NKIRAS1: variants seen among roughly 807,000 people sequenced by gnomAD.
NKIRAS1 encodes the protein NFKB inhibitor interacting Ras like 1.
In NKIRAS1, 16 loss-of-function variants were observed where a neutral mutation model predicts 19.8. That is an observed-to-expected ratio of 0.81 (90% CI 0.55 to 1.23). NKIRAS1 has a LOEUF of 1.23. NKIRAS1 is among the 50% of genes most tolerant of loss of function. NKIRAS1 has a pLI of 0.00. For synonymous variants in NKIRAS1, 88 were observed against 79.0 expected (o/e 1.11, Z -0.61); for missense variants, 184 against 220.0 (o/e 0.84, Z 1.04).
At chr3:23,937,686 TTTTC>T (rs1327142624) in intron 1 of NKIRAS1, among the ~76,000 whole-genome samples, 2 of 152,164 alleles carry the variant, frequency 1.3e-5, no homozygotes, top group African/African-American at 2.4e-5. Context: ...ACTTTTCTTA[TTTTC>T]TTTCTTACTT....
chr3:23,906,511 C>G (rs1056979532), intron 3 of NKIRAS1, among the ~76,000 whole-genome samples: 1 of 152,218 alleles, frequency 6.6e-6, no homozygotes, highest in African/African-American at 2.4e-5. Flanking sequence ...TCTTTCTCCT[C>G]TGCCACCTGA....
chr3:23,908,252 A>C (rs549948043), intron 3 of NKIRAS1, among the ~76,000 whole-genome samples: 1 of 152,224 alleles, frequency 6.6e-6, no homozygotes, highest in African/African-American at 2.4e-5. Flanking sequence ...TCAATCAATG[A>C]GATTTTAATT....
chr3:23,895,510 A>T (rs960460602), intron 4 of NKIRAS1, among the ~76,000 whole-genome samples: 1 of 152,050 alleles, frequency 6.6e-6, no homozygotes, highest in African/African-American at 2.4e-5. Flanking sequence ...CCCAGCTTAG[A>T]TTATTTTTAT....
intron 1 of NKIRAS1, chr3:23,946,057 C>T (rs1221409893): frequency 1.0e-6 from 1 of 972,404 alleles, no homozygotes; most frequent in Non-Finnish European, 1.2e-6. Flanking sequence ...TGGCTGGGAG[C>T]GCCGCAGCCT....
upstream of NKIRAS1, chr3:23,919,498 C>T (rs1317196774): frequency 9.6e-6 from 15 of 1,562,074 alleles, no homozygotes; most frequent in Non-Finnish European, 1.2e-5. Context: ...ACCGTTACCG[C>T]TAATATAAGT....
intron 1 of NKIRAS1, among the ~76,000 whole-genome samples, chr3:23,928,028 A>G (rs1455022010): frequency 6.6e-6 from 1 of 151,944 alleles, no homozygotes; most frequent in Non-Finnish European, 1.5e-5. Flanking sequence ...ACAGTGAGCC[A>G]TGTTGGTGCC....
intron 3 of NKIRAS1, among the ~76,000 whole-genome samples, chr3:23,905,381 T>C (rs754525238): frequency 6.6e-6 from 1 of 152,242 alleles, no homozygotes; most frequent in Non-Finnish European, 1.5e-5. Context: ...ATGTGAAGGT[T>C]TGTCTTATAA....
chr3:23,909,563 A>G (rs1007403602), intron 3 of NKIRAS1, among the ~76,000 whole-genome samples: 1 of 152,148 alleles, frequency 6.6e-6, no homozygotes, highest in African/African-American at 2.4e-5. Flanking sequence ...ACTTGCCAGA[A>G]AAAAATGCTT....
chr3:23,907,521 C>T (rs1381390126), intron 3 of NKIRAS1, among the ~76,000 whole-genome samples: 1 of 152,188 alleles, frequency 6.6e-6, no homozygotes, highest in African/African-American at 2.4e-5. Flanking sequence ...ATGGGCAAAA[C>T]TATATTCATA....
chr3:23,928,417 T>C (rs892425978), intron 1 of NKIRAS1, among the ~76,000 whole-genome samples: 8 of 152,084 alleles, frequency 5.3e-5, no homozygotes, highest in Non-Finnish European at 1.2e-4. Flanking sequence ...AGTTTCTAAA[T>C]ATATAAAATG....
At chr3:23,912,611 G>A (rs1465058454) in intron 1 of NKIRAS1, among the ~76,000 whole-genome samples, 7 of 152,258 alleles carry the variant, frequency 4.6e-5, no homozygotes, top group African/African-American at 9.6e-5. Context: ...AACTAGCTCA[G>A]CCATTGTGGA....
At chr3:23,915,293 T>C (rs1237443512) in intron 1 of NKIRAS1, among the ~76,000 whole-genome samples, 1 of 152,138 alleles carries the variant, frequency 6.6e-6, no homozygotes, top group Non-Finnish European at 1.5e-5. Context: ...CAGGCAGGCT[T>C]CATAAGGTGG....
At chr3:23,934,301 A>G (rs111531917) in intron 1 of NKIRAS1, among the ~76,000 whole-genome samples, 2 of 152,318 alleles carry the variant, frequency 1.3e-5, no homozygotes, top group African/African-American at 4.8e-5. Flanking sequence ...CCACTCCAAT[A>G]AACCAAAACC....
At chr3:23,930,489 C>A (rs1308539784) in intron 1 of NKIRAS1, among the ~76,000 whole-genome samples, 1 of 150,694 alleles carries the variant, frequency 6.6e-6, no homozygotes, top group Non-Finnish European at 1.5e-5. Flanking sequence ...AAAAAATCTA[C>A]ACTATACAAA....
At chr3:23,916,359 C>G (rs950168681) in intron 1 of NKIRAS1, 3 of 152,204 alleles carry the variant, frequency 2.0e-5, no homozygotes, top group African/African-American at 7.2e-5. Context: ...GGCATTTCTT[C>G]TCTAAAACAT....
At chr3:23,928,865 G>C (rs577749276) in intron 1 of NKIRAS1, among the ~76,000 whole-genome samples, 1 of 151,652 alleles carries the variant, frequency 6.6e-6, no homozygotes, top group Non-Finnish European at 1.5e-5. Flanking sequence ...GGCGGTGTGC[G>C]CTGAGCCTGT....
At position 23,891,450 on chromosome 3, in the gene NKIRAS1, A is replaced by G. The variant is rs1398623208; in HGVS notation, c.*1645T>C. The G allele has an allele frequency of 1.3e-5, 2 of 152,228 alleles. No homozygotes were observed. 9.4% of individuals were successfully genotyped at this position (152,228 alleles called of 1,614,324 possible). A position where few individuals can be genotyped will look rare whatever the true frequency, so the allele number is the denominator to read the frequency against. ...TAGGTATTAGTTAGTTACCTATATT[A>G]GGATCTGTACTTTACACAGCTGTAG... On this transcript the variant is annotated 3_prime_UTR_variant, in exon 5 of 5. Transcript: ENST00000425478.
At chr3:23,911,050 TAGA>T (rs1703652314) in intron 2 of NKIRAS1, 129 bp from the exon 3 acceptor site, 1 of 688,534 alleles carries the variant, frequency 1.5e-6, no homozygotes, top group Non-Finnish European at 2.5e-6. Flanking sequence ...AAAGGAGATA[TAGA>T]ATAAGGTATA....
At chr3:23,894,699 T>C (rs1246228391) in intron 4 of NKIRAS1, among the ~76,000 whole-genome samples, 1 of 152,142 alleles carries the variant, frequency 6.6e-6, no homozygotes, top group African/African-American at 2.4e-5. Flanking sequence ...CTGCTTCCTC[T>C]ATCACTCCCC....
Sources: gnomAD v4.1 joint callset for allele counts (sites outside exome capture counted in the v4.1 genomes callset) on GRCh38, gnomAD v4.1.1 for gene constraint, MANE v1.5 for transcripts, NCBI Gene and HGNC (gene_info 2026-07-23, HGNC 2026-07-21) for gene names.